KMT2C: variants seen among roughly 807,000 people sequenced by gnomAD.
The protein encoded by KMT2C is lysine methyltransferase 2C.
In KMT2C, 88 loss-of-function variants were observed where a neutral mutation model predicts 507.9. That is an observed-to-expected ratio of 0.17 (90% CI 0.15 to 0.21). The LOEUF (loss-of-function observed/expected upper bound fraction) is 0.21. KMT2C is among the 10% of genes least tolerant of loss of function. The pLI is 1.00. For missense variants in KMT2C, 4,954 were observed against 5,957.8 expected, an observed-to-expected ratio of 0.83 and a Z score of 5.55; for synonymous variants, 2,049 against 2,080.8, an observed-to-expected ratio of 0.98 and a Z score of 0.42.
intron 1 of KMT2C, chr7:152,368,684 C>T (rs1365835752): frequency 8.4e-6 from 12 of 1,422,840 alleles, no homozygotes; most frequent in Non-Finnish European, 1.2e-5. Flanking sequence ...CCACCAGTTA[C>T]GTATTAGTTG....
chr7:152,185,691 T>C, intron 33 of KMT2C, 60 bp from the exon 34 acceptor site: 6 of 1,215,568 alleles, frequency 4.9e-6, no homozygotes, highest in Non-Finnish European at 7.3e-6. Context: ...TGTGTTGTAA[T>C]AAAGAATGTT....
intron 16 of KMT2C, among the ~76,000 whole-genome samples, chr7:152,232,923 T>C (rs969713951): frequency 1.3e-5 from 2 of 151,998 alleles, no homozygotes; most frequent in African/African-American, 4.8e-5. Context: ...TAACAGAAAA[T>C]TCAACACATT....
At chr7:152,159,136 C>T (rs2092290955) in intron 43 of KMT2C, 64 bp from the exon 44 acceptor site, 2 of 1,360,186 alleles carry the variant, frequency 1.5e-6, no homozygotes, top group Non-Finnish European at 2.1e-6. Flanking sequence ...TTAGTTCATG[C>T]AGTGCCAAGC....
Position 152,177,204 on chromosome 7 carries a change from C to CTTAAGA in KMT2C, c.8243_8248dup (p.Leu2749_Arg2750insIleLeu). 6.2e-7 allele frequency: 1 copy of CTTAAGA among 1,613,932 alleles called. No homozygotes were observed. The highest frequency in any genetic ancestry group is 8.5e-7 in the Non-Finnish European group (1 of 1,179,954). ...TGCAATGATATCAAACTCTCCTGAC[C>CTTAAGA]TTAAGAGGTCATCCAGGTTGGGATC... On this transcript the variant is annotated inframe_insertion, in exon 38 of 59. Coordinates refer to ENST00000262189, the MANE Select transcript of KMT2C (RefSeq NM_170606.3).
At chr7:152,355,806 A>G (rs1306027028) in intron 2 of KMT2C, among the ~76,000 whole-genome samples, 1 of 152,170 alleles carries the variant, frequency 6.6e-6, no homozygotes, top group African/African-American at 2.4e-5. Context: ...AGTAGTAATC[A>G]TAGGTATAAA....
At chr7:152,203,119 C>A (rs1183851299) in intron 25 of KMT2C, 55 bp from the exon 26 acceptor site, 3 of 1,453,134 alleles carry the variant, frequency 2.1e-6, no homozygotes, top group Non-Finnish European at 2.8e-6. Flanking sequence ...CTAGACAAAC[C>A]CACTGAAGGT....
intron 1 of KMT2C, among the ~76,000 whole-genome samples, chr7:152,418,848 A>G (rs1345151767): frequency 2.0e-5 from 3 of 150,924 alleles, no homozygotes; most frequent in African/African-American, 2.5e-5. Context: ...CTAAATGTAC[A>G]TAAGTAGTAT....
Position 152,162,317 on chromosome 7 carries a change from A to G in KMT2C, c.11260T>C (p.Ser3754Pro), listed in dbSNP as rs745527298. 1.2e-6 allele frequency: 2 copies of G among 1,614,068 alleles called. No individual in the cohort carries two copies. Among genetic ancestry groups the G allele is most frequent in the Middle Eastern group, 1.6e-4 (1 of 6,082 alleles). ...VEGNAVACPV[S>P]SAQSPPHSAG... ...GAATGGGGAGGACTCTGTGCTGAGG[A>G]GACAGGACAGGCTACAGCGTTTCCT... The change falls in exon 43 of 59, where the codon TCC becomes CCC. Residue 3754 changes from serine (S) to proline (P), a missense_variant. This residue lies in a region of KMT2C where 801 missense variants were observed against 751.2 expected (regional missense o/e 1.07). Transcript: ENST00000262189.
chr7:152,357,972 C>G (rs1030163684), intron 2 of KMT2C, among the ~76,000 whole-genome samples: 2 of 152,150 alleles, frequency 1.3e-5, no homozygotes, highest in Non-Finnish European at 2.9e-5. Context: ...AAAACTTTAC[C>G]AATGAGAGAC....
rs745386947 is a variant in KMT2C, at chr7:152,309,938, G to T, written c.849+28C>A. 6 of 1,339,484 alleles carry T rather than the reference G, an allele frequency of 4.5e-6. No homozygotes were observed. The Admixed American group carries it at 6.9e-5, about 15-fold the overall frequency. 83.0% of individuals were successfully genotyped at this position (1,339,484 alleles called of 1,614,324 possible). ...ATTAAAGTGAATGTTATAAAACTAT[G>T]ATTTAAATATTTGCTTTGTCTACTT... is the stretch of plus-strand genomic sequence containing the variant. On this transcript the variant is annotated intron_variant, in intron 6 of 58. Coordinates refer to ENST00000262189, the MANE Select transcript of KMT2C (RefSeq NM_170606.3).
At chr7:152,192,640 C>A (rs570254435) in intron 31 of KMT2C, among the ~76,000 whole-genome samples, 6 of 151,856 alleles carry the variant, frequency 4.0e-5, no homozygotes, top group Admixed American at 2.0e-4. Flanking sequence ...TTTAGCCTAG[C>A]AAAAATCAAG....
In KMT2C at chr7:152,145,214, G is replaced by C. The variant is rs2129093299; in HGVS notation, c.14113C>G (p.Pro4705Ala). 6.2e-7 allele frequency: 1 copy of C among 1,614,142 alleles called. No individual in the cohort carries two copies. Among genetic ancestry groups the C allele is most frequent in the Non-Finnish European group, 8.5e-7 (1 of 1,180,020 alleles). ...PLMELPLAVN[P>A]TGCARSEPKM... Reference sequence around the variant, plus strand: ...GGTTCAGAACGGGCACAACCTGTGGGGTTAACGGCAAGAGGAAGTTCCATG... The same window carrying C: ...GGTTCAGAACGGGCACAACCTGTGGCGTTAACGGCAAGAGGAAGTTCCATG... Residue 4705 changes from proline (P) to alanine (A), a missense_variant, in exon 54 of 59, where the codon CCC (proline) becomes GCC (alanine). Pro to Ala is a conservative substitution (Grantham distance 27). Around this residue, in one of 29 missense-constraint regions of KMT2C, gnomAD observed 221 missense variants for 304.7 expected, o/e 0.73. Coordinates refer to ENST00000262189, the MANE Select transcript of KMT2C (RefSeq NM_170606.3).
chr7:152,330,694 T>A lies in KMT2C; in HGVS notation c.296A>T (p.Asp99Val). Residue 99 changes from aspartate (D) to valine (V), a missense_variant, in exon 3 of 59, where the codon GAT becomes GTT. Physicochemically the swap from Asp to Val is radical, Grantham distance 152 (BLOSUM62 -3). This residue lies in a region of KMT2C where 233 missense variants were observed against 263.6 expected (regional missense o/e 0.88). Coordinates refer to ENST00000262189, the MANE Select transcript of KMT2C (RefSeq NM_170606.3). ...SAEEDAEAEV[D>V]NSKQLIPTLQ... ...AGTTGGAATTAGCTGTTTGCTGTTA[T>A]CCACTTCTGCTTCAGCATCCTCTTC... 1 of 1,613,916 alleles carries A rather than the reference T, an allele frequency of 6.2e-7. No homozygotes were observed. Among genetic ancestry groups the A allele is most frequent in the Non-Finnish European group, 8.5e-7 (1 of 1,179,810 alleles).
intron 1 of KMT2C, among the ~76,000 whole-genome samples, chr7:152,369,347 A>G (rs2097274340): frequency 6.6e-6 from 1 of 152,182 alleles, no homozygotes; most frequent in Non-Finnish European, 1.5e-5. Context: ...ACAAAAAAAA[A>G]AACAAGATGG....
At chr7:152,273,098 C>A (rs1475401714) in intron 7 of KMT2C, among the ~76,000 whole-genome samples, 4 of 151,980 alleles carry the variant, frequency 2.6e-5, no homozygotes, top group African/African-American at 9.7e-5. Context: ...GTTATAATTT[C>A]CTGTATAATG....
chr7:152,264,934 C>T, intron 8 of KMT2C, 104 bp downstream of exon 8: 1 of 1,371,368 alleles, frequency 7.3e-7, no homozygotes, highest in South Asian at 1.8e-5. Context: ...ATGAATATAG[C>T]TAAAATATGA....
In KMT2C at chr7:152,162,147, T is replaced by A. The variant is rs750645170; in HGVS notation, c.11430A>T (p.Leu3810=). The change falls in exon 43 of 59, where the codon CTA becomes CTT. Residue 3810 remains leucine, a synonymous_variant. Transcript: ENST00000262189. ...CTTCAGCTGGGTTCTGCTTCTCAAC[T>A]AGTTTATTATCCTTTGTACAGTCAT... ...SEDDCTKDNK[L]VEKQNPAEGL... is the part of the protein sequence containing the mutation. The A allele has an allele frequency of 1.9e-6, 3 of 1,577,522 alleles. No homozygotes were observed. The African/African-American group carries it at 4.1e-5, about 22-fold the overall frequency.
At position 152,423,001 on chromosome 7, in the gene KMT2C, A is replaced by G. The variant is rs148265198; in HGVS notation, c.161+12625T>C. ...CAATGCACTCCAGCCTGGGCAACAG[A>G]GCGAGACTCTCATCTCAAAAAAAAA... is the stretch of plus-strand genomic sequence containing the variant. On this transcript the variant is annotated intron_variant, in intron 1 of 58. Transcript: ENST00000262189. Among the ~76,000 whole-genome samples, 22 of 150,550 alleles carry G rather than the reference A, an allele frequency of 1.5e-4. 1 individual carries two copies. The highest frequency in any genetic ancestry group is 4.9e-4 in the African/African-American group (20 of 40,890).
At chr7:152,325,098 T>C (rs1170710035) in intron 3 of KMT2C, among the ~76,000 whole-genome samples, 1 of 151,988 alleles carries the variant, frequency 6.6e-6, no homozygotes, top group African/African-American at 2.4e-5. Flanking sequence ...CTTTTTACTC[T>C]TGGTATTTTT....
Sources: gnomAD v4.1 joint callset for allele counts (sites outside exome capture counted in the v4.1 genomes callset) on GRCh38, gnomAD v4.1.1 for gene constraint, gnomAD v4.1.1 regional missense constraint, MANE v1.5 for transcripts, NCBI Gene and HGNC (gene_info 2026-07-23, HGNC 2026-07-21) for gene names.